LYST: variants seen among roughly 807,000 people sequenced by gnomAD.
The protein encoded by LYST is lysosomal-trafficking regulator.
In LYST, 192 loss-of-function variants were observed where a neutral mutation model predicts 413.6. The ratio of observed to expected loss-of-function variants is 0.46; its 90% CI spans 0.41 to 0.52. The LOEUF is 0.52. Ranked by LOEUF, LYST falls within the 20% of genes least tolerant of loss-of-function variation. The probability of loss-of-function intolerance (pLI) is 0.00; values close to 1 mark genes in which losing one functional copy is unlikely to be tolerated. For missense variants in LYST, 3,815 were observed against 4,499.9 expected, an observed-to-expected ratio of 0.85 and a Z score of 4.35; for synonymous variants, 1,525 against 1,567.3, an observed-to-expected ratio of 0.97 and a Z score of 0.64.
chr1:235,742,505 C>G (rs1572122000), intron 30 of LYST, among the ~76,000 whole-genome samples: 1 of 150,008 alleles, frequency 6.7e-6, no homozygotes, highest in East Asian at 1.9e-4. Flanking sequence ...GGTTGCACAA[C>G]AATGTGAATA....
chr1:235,737,921 G>GGAGTAGTGTA lies in LYST; in HGVS notation c.8359-3263_8359-3262insTACACTACTC. The GGAGTAGTGTA allele has an allele frequency of 2.3e-5, 27 of 1,176,852 alleles. No homozygotes were observed. In the Admixed American group the frequency reaches 2.5e-4, roughly 11 times the overall value. 72.9% of individuals were successfully genotyped at this position (1,176,852 alleles called of 1,614,324 possible). On this transcript the variant is annotated intron_variant, in intron 31 of 52. Coordinates refer to ENST00000389793, the MANE Select transcript of LYST (RefSeq NM_000081.4). The stretch of plus-strand genomic sequence containing the variant: ...TGCTGGAGCCGCTGCCGACGAGTCT[G>GGAGTAGTGTA]GATCTCACTGCCGCGTGCCCCAACA...
At chr1:235,832,511 T>G (rs769664450) in intron 2 of LYST, among the ~76,000 whole-genome samples, 41 of 152,148 alleles carry the variant, frequency 2.7e-4, no homozygotes, top group Non-Finnish European at 5.4e-4. Flanking sequence ...AATATATACA[T>G]GTTTATATGA....
chr1:235,840,212 T>C (rs918004891), intron 1 of LYST: 2 of 152,218 alleles, frequency 1.3e-5, no homozygotes, highest in African/African-American at 4.8e-5. Context: ...GGGTACTATG[T>C]ACTGCTAAGG....
chr1:235,708,860 C>T (rs750768509), intron 44 of LYST, among the ~76,000 whole-genome samples: 3 of 152,100 alleles, frequency 2.0e-5, no homozygotes, highest in Non-Finnish European at 4.4e-5. Flanking sequence ...CTCAAGTCCA[C>T]CTAGTGAATC....
At chr1:235,819,059 TGG>T (rs1674469764) in intron 3 of LYST, among the ~76,000 whole-genome samples, 1 of 152,190 alleles carries the variant, frequency 6.6e-6, no homozygotes, top group African/African-American at 2.4e-5. Context: ...TTGCAAACCA[TGG>T]GCCTTGAAAG....
At chr1:235,663,586 A>C (rs1005185177) in intron 52 of LYST, among the ~76,000 whole-genome samples, 4 of 152,206 alleles carry the variant, frequency 2.6e-5, no homozygotes, top group Non-Finnish European at 5.9e-5. Context: ...AATTTGAATC[A>C]CTTTATTTCT....
upstream of LYST, among the ~76,000 whole-genome samples, chr1:235,868,536 A>G (rs149049312): frequency 6.0e-3 from 916 of 152,324 alleles, 6 homozygotes; most frequent in Middle Eastern, 0.031. Context: ...GTTAACCTTG[A>G]GTAGAAAATA....
At chr1:235,827,606 T>C (rs2102984146) in intron 3 of LYST, 2 of 983,762 alleles carry the variant, frequency 2.0e-6, no homozygotes, top group South Asian at 9.4e-5. Context: ...ATTTCCTAAT[T>C]GAAAGAACTA....
At chr1:235,737,918 T>TTAGAGG in intron 31 of LYST, 6 of 1,164,684 alleles carry the variant, frequency 5.2e-6, no homozygotes, top group Admixed American at 8.8e-5. Flanking sequence ...TGCCGACGAG[T>TTAGAGG]CTGGATCTCA....
intron 1 of LYST, among the ~76,000 whole-genome samples, chr1:235,877,160 A>G (rs1269147989): frequency 2.0e-5 from 3 of 152,214 alleles, no homozygotes; most frequent in Non-Finnish European, 4.4e-5. Context: ...CTGACATGCT[A>G]TCCATATAAC....
chr1:235,857,138 G>C (rs774180546), intron 1 of LYST, among the ~76,000 whole-genome samples: 55 of 151,840 alleles, frequency 3.6e-4, no homozygotes, highest in Non-Finnish European at 7.2e-4. Flanking sequence ...GTAGAGATGG[G>C]GTTTCACCAT....
chr1:235,737,917 G>T, intron 31 of LYST: 61 of 1,160,124 alleles, frequency 5.3e-5, no homozygotes, highest in South Asian at 5.1e-4. Flanking sequence ...CTGCCGACGA[G>T]TCTGGATCTC....
intron 10 of LYST, among the ~76,000 whole-genome samples, chr1:235,794,082 C>T (rs1388378056): frequency 6.6e-6 from 1 of 152,126 alleles, no homozygotes; most frequent in East Asian, 1.9e-4. Flanking sequence ...ATCCACCTGC[C>T]TCGGCCTCCC....
At chr1:235,821,041 C>A (rs1052731805) in intron 3 of LYST, among the ~76,000 whole-genome samples, 8 of 152,210 alleles carry the variant, frequency 5.3e-5, no homozygotes, top group African/African-American at 1.9e-4. Flanking sequence ...ATTTAGCTTT[C>A]ATATTCCACT....
At position 235,709,046 on chromosome 1, in the gene LYST, G is replaced by A. The variant is rs757192132; in HGVS notation, c.10143+45C>T. On this transcript the variant is annotated intron_variant, in intron 44 of 52. Coordinates refer to ENST00000389793, the MANE Select transcript of LYST (RefSeq NM_000081.4). ...GAACAACTAACCTTAAAATATTCAG[G>A]TTCTATCTTATATAAATACAGATTG... 4.6e-6 allele frequency: 7 copies of A among 1,535,960 alleles called. No individual in the cohort carries two copies. The Admixed American group carries it at 5.0e-5, about 11-fold the overall frequency.
intron 26 of LYST, 85 bp from the exon 27 acceptor site, chr1:235,752,256 G>A: frequency 2.9e-6 from 3 of 1,024,626 alleles, no homozygotes; most frequent in Non-Finnish European, 4.5e-6. Context: ...GATTTAAATG[G>A]TTTAAATTCC....
intron 47 of LYST, among the ~76,000 whole-genome samples, chr1:235,689,725 T>C (rs1286274953): frequency 1.3e-5 from 2 of 152,224 alleles, no homozygotes; most frequent in East Asian, 3.8e-4. Context: ...TAGTAATCAT[T>C]TCACAATGTA....
In LYST at chr1:235,806,534, G is replaced by A; in HGVS notation, c.2602C>T (p.Pro868Ser). 6.2e-7 allele frequency: 1 copy of A among 1,614,052 alleles called. No individual in the cohort carries two copies. The highest frequency in any genetic ancestry group is 8.5e-7 in the Non-Finnish European group (1 of 1,180,002). The change falls in exon 6 of 53, where the codon CCT (proline) becomes TCT (serine). Residue 868 changes from proline to serine, a missense_variant. Pro to Ser is a moderately conservative substitution (Grantham distance 74). This residue lies in a region of LYST where 1,648 missense variants were observed against 1,810.3 expected (regional missense o/e 0.91). Coordinates refer to ENST00000389793, the MANE Select transcript of LYST (RefSeq NM_000081.4). ...GCATAAAATTTGCTGAGACTCTGAG[G>A]AGAATCTGAATAAGCTTGCTGATGA... ...FHHQQAYSDSPQSLSKFYAGL... is the reference protein window; with the variant it reads ...FHHQQAYSDSSQSLSKFYAGL...
chr1:235,808,961 A>C lies in LYST; in HGVS notation c.1857T>G (p.Ile619Met), dbSNP rs762442807. 26 of 1,613,844 alleles carry C rather than the reference A, an allele frequency of 1.6e-5. No individual in the cohort carries two copies. The South Asian group carries it at 2.7e-4, about 17-fold the overall frequency. Residue 619 changes from isoleucine to methionine, a missense_variant, in exon 5 of 53, where the codon ATT (isoleucine) becomes ATG (methionine). Coordinates refer to ENST00000389793, the MANE Select transcript of LYST (RefSeq NM_000081.4). Reference sequence around the variant, plus strand: ...TCTCTGCTCCTCCTAACTGATCCAAAATAAGTTTGTTAAGGATATTCAATA... The same window carrying C: ...TCTCTGCTCCTCCTAACTGATCCAACATAAGTTTGTTAAGGATATTCAATA... ...QHILNILNKL[I>M]LDQLGGAEIS...
Sources: allele counts gnomAD v4.1 joint callset (sites outside exome capture counted in the v4.1 genomes callset), GRCh38; gene constraint gnomAD v4.1.1; regional missense constraint gnomAD v4.1.1; transcripts MANE v1.5; gene names NCBI Gene and HGNC (gene_info 2026-07-23, HGNC 2026-07-21).